The following NRG3 variants were observed in gnomAD, a reference collection of about 807,000 sequenced individuals.
NRG3 encodes pro-neuregulin-3, membrane-bound isoform.
Under a neutral mutation model 66.9 loss-of-function variants are expected in NRG3, and 31 were observed. The observed-to-expected ratio is 0.46, with a 90% CI of 0.35 to 0.63. The LOEUF is 0.63. NRG3 is among the 20% of genes least tolerant of loss of function. NRG3 has a pLI of 0.00. For missense variants in NRG3, 910 were observed against 878.9 expected (o/e 1.04, Z -0.45); for synonymous variants, 393 against 359.4 (o/e 1.09, Z -1.06).
intron 2 of NRG3, among the ~76,000 whole-genome samples, chr10:82,720,810 C>CATATATATATATTTAT (rs2057259018): frequency 8.7e-6 from 1 of 114,740 alleles, no homozygotes; most frequent in Non-Finnish European, 1.6e-5. Flanking sequence ...GTATTTTATA[C>CATATATATATATTTAT]ATATATATAT....
intron 2 of NRG3, among the ~76,000 whole-genome samples, chr10:82,441,210 G>A (rs1030816267): frequency 6.6e-6 from 1 of 152,212 alleles, no homozygotes; most frequent in South Asian, 2.1e-4. Flanking sequence ...ATACCAAGGA[G>A]AGAAACATAT....
At chr10:82,869,606 ATTTTAT>A (rs1159345704) in intron 4 of NRG3, among the ~76,000 whole-genome samples, 5 of 143,772 alleles carry the variant, frequency 3.5e-5, no homozygotes, top group Non-Finnish European at 6.0e-5. Flanking sequence ...ATTTTATTTT[ATTTTAT>A]TTTATTTTAT....
intron 1 of NRG3, among the ~76,000 whole-genome samples, chr10:82,352,998 G>A (rs945517315): frequency 2.0e-5 from 3 of 151,986 alleles, no homozygotes; most frequent in East Asian, 3.9e-4. Flanking sequence ...GGTAAGATGA[G>A]ATGGAAAGAA....
chr10:82,300,878 C>T (rs1194469774), intron 1 of NRG3, among the ~76,000 whole-genome samples: 1 of 152,030 alleles, frequency 6.6e-6, no homozygotes, highest in Non-Finnish European at 1.5e-5. Context: ...CTCCTATAGT[C>T]CCAGCTACTC....
At chr10:81,955,055 A>G (rs1045614554) in intron 1 of NRG3, among the ~76,000 whole-genome samples, 1 of 151,232 alleles carries the variant, frequency 6.6e-6, no homozygotes, top group African/African-American at 2.4e-5. Context: ...CTGTTACATT[A>G]TATATATATG....
intron 3 of NRG3, among the ~76,000 whole-genome samples, chr10:82,841,827 A>G (rs1431959663): frequency 7.2e-5 from 11 of 152,214 alleles, no homozygotes; most frequent in Admixed American, 4.6e-4. Context: ...ATCACATATG[A>G]AAAAGTAAAT....
intron 7 of NRG3, among the ~76,000 whole-genome samples, chr10:82,975,444 C>G (rs1330993082): frequency 6.6e-6 from 1 of 152,134 alleles, no homozygotes; most frequent in Non-Finnish European, 1.5e-5. Context: ...CTTTTATGCT[C>G]CCTCCTAAAC....
intron 3 of NRG3, among the ~76,000 whole-genome samples, chr10:82,804,955 T>C (rs1464217200): frequency 6.6e-6 from 1 of 152,230 alleles, no homozygotes; most frequent in Non-Finnish European, 1.5e-5. Context: ...AATGTACTAC[T>C]GGGGTTAGTA....
intron 2 of NRG3, among the ~76,000 whole-genome samples, chr10:82,442,784 ATTT>A (rs61261285): frequency 0.13 from 6,628 of 53,020 alleles, 262 homozygotes; most frequent in African/African-American, 0.25. Flanking sequence ...TTCTGTGTGG[ATTT>A]TTTTTTTTTT....
In NRG3 at chr10:82,738,625, A is replaced by G; in HGVS notation, c.1002A>G (p.Lys334=). Reference sequence around the variant, plus strand: ...TCCGTTGTGATCAATTTCTGCCGAAAACTGATTCCATCTTATCGGATCCAA... The same window carrying G: ...TCCGTTGTGATCAATTTCTGCCGAAGACTGATTCCATCTTATCGGATCCAA... ...QGVRCDQFLP[K]TDSILSDPTD... Residue 334 remains lysine, a synonymous_variant, in exon 3 of 9, where the codon AAA becomes AAG. Coordinates refer to ENST00000372141, the MANE Select transcript of NRG3 (RefSeq NM_001010848.4). 6.2e-7 allele frequency: 1 copy of G among 1,614,152 alleles called. No individual in the cohort carries two copies. The highest frequency in any genetic ancestry group is 8.5e-7 in the Non-Finnish European group (1 of 1,179,990).
chr10:82,633,936 G>C (rs1477351875), intron 2 of NRG3, among the ~76,000 whole-genome samples: 1 of 152,080 alleles, frequency 6.6e-6, no homozygotes, highest in East Asian at 1.9e-4. Flanking sequence ...AAAGGTGAAA[G>C]GCCAATCAGA....
At chr10:82,561,127 T>A in intron 2 of NRG3, among the ~76,000 whole-genome samples, 1 of 152,222 alleles carries the variant, frequency 6.6e-6, no homozygotes, top group East Asian at 1.9e-4. Context: ...TGTAAAATTT[T>A]AATTATCTTT....
intron 2 of NRG3, among the ~76,000 whole-genome samples, chr10:82,557,582 T>A (rs960465229): frequency 3.3e-5 from 5 of 152,220 alleles, no homozygotes; most frequent in Non-Finnish European, 5.9e-5. Flanking sequence ...CTAGGTTGTC[T>A]GTTTACACTG....
rs549814567 is a variant in NRG3 at position 82,513,523 on chromosome 10, A to C, written c.953+154655A>C. Among the ~76,000 whole-genome samples the C allele has an allele frequency of 2.6e-5, 4 of 152,308 alleles. No individual in the cohort carries two copies. In the East Asian group the frequency reaches 7.7e-4, roughly 29 times the overall value. ...TTTCTGCTCTTTAAGGAGTCTCCAC[A>C]CTGTCTTTCCAATGGTTGAACTGAC... On this transcript the variant is annotated intron_variant, in intron 2 of 8. Transcript: ENST00000372141.
intron 1 of NRG3, among the ~76,000 whole-genome samples, chr10:82,339,453 A>G (rs2082565274): frequency 6.6e-6 from 1 of 152,184 alleles, no homozygotes; most frequent in Admixed American, 6.5e-5. Flanking sequence ...CCAGAGGCTT[A>G]TAAAACCATC....
intron 2 of NRG3, among the ~76,000 whole-genome samples, chr10:82,560,429 TA>T (rs1385342826): frequency 5.9e-4 from 90 of 151,302 alleles, no homozygotes; most frequent in African/African-American, 2.0e-3. Flanking sequence ...TTCTTATGTA[TA>T]TGATAGTATT....
At chr10:81,961,493 GA>G (rs1850359771) in intron 1 of NRG3, among the ~76,000 whole-genome samples, 1 of 151,974 alleles carries the variant, frequency 6.6e-6, no homozygotes, top group Admixed American at 6.6e-5. Context: ...ATGAACTAAT[GA>G]ACTAATGAAC....
chr10:82,467,976 T>C (rs1840852295), intron 2 of NRG3, among the ~76,000 whole-genome samples: 1 of 152,116 alleles, frequency 6.6e-6, no homozygotes, highest in African/African-American at 2.4e-5. Flanking sequence ...TGATCACATA[T>C]CTCCTAAGGG....
chr10:82,907,005 C>A (rs747022238), intron 4 of NRG3, among the ~76,000 whole-genome samples: 3 of 152,206 alleles, frequency 2.0e-5, no homozygotes, highest in Non-Finnish European at 4.4e-5. Flanking sequence ...CCTTACATCT[C>A]ACTTCAGAGA....
Sources: gnomAD v4.1 joint callset for allele counts (sites outside exome capture counted in the v4.1 genomes callset) on GRCh38, gnomAD v4.1.1 for gene constraint, MANE v1.5 for transcripts, NCBI Gene and HGNC (gene_info 2026-07-23, HGNC 2026-07-21) for gene names.